Variants in ABCC1 observed in about 807,000 individuals in gnomAD.
ABCC1 encodes multidrug resistance-associated protein 1.
Under a neutral mutation model 172.9 loss-of-function variants are expected in ABCC1, and 83 were observed. That is an observed-to-expected ratio of 0.48 (90% CI 0.40 to 0.58). The LOEUF (loss-of-function observed/expected upper bound fraction) is 0.58. Ranked by LOEUF, ABCC1 falls within the 20% of genes least tolerant of loss-of-function variation. The pLI is 0.00. For synonymous variants in ABCC1, 937 were observed against 825.2 expected (o/e 1.14, Z -2.32); for missense variants, 1,817 against 2,002.7 (o/e 0.91, Z 1.77).
intron 7 of ABCC1, among the ~76,000 whole-genome samples, chr16:16,043,894 T>C (rs1274307964): frequency 6.6e-6 from 1 of 152,174 alleles, no homozygotes; most frequent in Admixed American, 6.5e-5. Context: ...GAACCACCAC[T>C]CCTGGCCATG....
intron 10 of ABCC1, among the ~76,000 whole-genome samples, chr16:16,050,463 A>C (rs181262421): frequency 1.8e-4 from 28 of 152,126 alleles, no homozygotes; most frequent in African/African-American, 6.7e-4. Flanking sequence ...TGTCTCAAAA[A>C]AAAGAAAAAG....
In ABCC1 at chr16:16,115,035, A is replaced by G. The variant is rs758502983; in HGVS notation, c.3349A>G (p.Ile1117Val). 9 of 1,614,072 alleles carry G rather than the reference A, an allele frequency of 5.6e-6. No individual in the cohort carries two copies. Among genetic ancestry groups the G allele is most frequent in the Middle Eastern group, 1.6e-4 (1 of 6,084 alleles). Residue 1117 changes from isoleucine to valine, a missense_variant, in exon 23 of 31, where the codon ATC (isoleucine) becomes GTC (valine). Ile to Val is a conservative substitution (Grantham distance 29). Around this residue, in one of 3 missense-constraint regions of ABCC1, gnomAD observed 1,412 missense variants for 1,600.3 expected, o/e 0.88. Coordinates refer to ENST00000399410, the MANE Select transcript of ABCC1 (RefSeq NM_004996.4). ...VILLATPIAAIIIPPLGLIYF... is the reference protein window; with the variant it reads ...VILLATPIAAVIIPPLGLIYF... ...CCTGCTGGCCACGCCCATCGCCGCC[A>G]TCATCATCCCGCCCCTTGGCCTCAT... is the stretch of plus-strand genomic sequence containing the variant.
intron 11 of ABCC1, among the ~76,000 whole-genome samples, chr16:16,054,042 T>G (rs1310380167): frequency 6.6e-6 from 1 of 151,754 alleles, no homozygotes; most frequent in Non-Finnish European, 1.5e-5. Context: ...TCGTACGATC[T>G]TGGCTCACTG....
Position 16,036,560 on chromosome 16 carries a change from G to A in ABCC1, c.766G>A (p.Val256Ile), listed in dbSNP as rs751704324. The A allele has an allele frequency of 8.1e-6, 13 of 1,614,152 alleles. No homozygotes were observed. The East Asian group carries it at 2.9e-4, about 36-fold the overall frequency. ...GGACACGTCGGAACAAGTCGTGCCT[G>A]TTTTGGTAAAGAACTGGAAGAAGGA... Reference protein sequence around the residue: ...KEDTSEQVVPVLVKNWKKECA... With the variant: ...KEDTSEQVVPILVKNWKKECA... Residue 256 changes from valine (V) to isoleucine (I), a missense_variant, in exon 7 of 31, where the codon GTT becomes ATT. Coordinates refer to ENST00000399410, the MANE Select transcript of ABCC1 (RefSeq NM_004996.4).
chr16:16,061,113 T>C (rs1312446040), intron 12 of ABCC1, among the ~76,000 whole-genome samples: 9 of 152,022 alleles, frequency 5.9e-5, no homozygotes, highest in Admixed American at 5.9e-4. Flanking sequence ...TTAGTAGAGA[T>C]GGGGTTTAGC....
chr16:15,997,713 A>G (rs2047104261), intron 1 of ABCC1, among the ~76,000 whole-genome samples: 1 of 150,506 alleles, frequency 6.6e-6, no homozygotes, highest in Non-Finnish European at 1.5e-5. Context: ...TCCAGTAGTG[A>G]GAGTCGCACT....
At chr16:16,139,502 C>T (rs190786507) in intron 30 of ABCC1, among the ~76,000 whole-genome samples, 129 of 144,394 alleles carry the variant, frequency 8.9e-4, no homozygotes, top group African/African-American at 2.7e-3. Flanking sequence ...ATCCCAGGTA[C>T]TTGGGAGGCT....
chr16:16,052,378 T>G (rs1304228284), intron 10 of ABCC1, among the ~76,000 whole-genome samples: 1 of 151,846 alleles, frequency 6.6e-6, no homozygotes, highest in Admixed American at 6.6e-5. Flanking sequence ...GGATCACTGA[T>G]GCAAATAGCC....
At chr16:16,125,343 A>G (rs555635502) in intron 25 of ABCC1, among the ~76,000 whole-genome samples, 11 of 152,308 alleles carry the variant, frequency 7.2e-5, no homozygotes, top group Non-Finnish European at 1.5e-4. Context: ...GCAATGTGGC[A>G]GGCCTGGGTG....
chr16:16,035,439 A>G (rs2048717370), intron 6 of ABCC1, among the ~76,000 whole-genome samples: 1 of 152,034 alleles, frequency 6.6e-6, no homozygotes, highest in South Asian at 2.1e-4. Context: ...TTTCATGCTT[A>G]CTAATGCTTT....
intron 12 of ABCC1, among the ~76,000 whole-genome samples, chr16:16,061,877 AATCCTCC>A (rs2049933316): frequency 1.3e-5 from 2 of 148,962 alleles, no homozygotes; most frequent in African/African-American, 5.0e-5. Context: ...AGGCTCAAGT[AATCCTCC>A]AACCTCAGCC....
chr16:16,005,893 G>A (rs146933833), intron 1 of ABCC1, among the ~76,000 whole-genome samples: 2,421 of 151,922 alleles, frequency 0.016, 51 homozygotes, highest in African/African-American at 0.053. Flanking sequence ...AGCAGAGATT[G>A]CAGTGAGCCG....
rs566456436 is a variant in ABCC1, at chr16:16,065,031, G to C, written c.1678-3125G>C. Among the ~76,000 whole-genome samples, 5 of 152,322 alleles carry C rather than the reference G, an allele frequency of 3.3e-5. No individual in the cohort carries two copies. The East Asian group carries it at 9.7e-4, about 29-fold the overall frequency. On this transcript the variant is annotated intron_variant, in intron 12 of 30. Coordinates refer to ENST00000399410, the MANE Select transcript of ABCC1 (RefSeq NM_004996.4). ...TGAGGAAAGACTTGATGGAGGTAAA[G>C]AGGCCAACCAGGGAGTAGCAAGAGC...
intron 1 of ABCC1, among the ~76,000 whole-genome samples, chr16:15,951,051 C>A (rs2045859938): frequency 6.6e-6 from 1 of 152,046 alleles, no homozygotes; most frequent in African/African-American, 2.4e-5. Flanking sequence ...ACAGACTTTG[C>A]CTTGAGGGTC....
intron 3 of ABCC1, 82 bp downstream of exon 3, chr16:16,009,983 C>A (rs2047715087): frequency 9.0e-6 from 9 of 995,002 alleles, no homozygotes; most frequent in Admixed American, 4.2e-5. Flanking sequence ...AGACTAGAAT[C>A]ATAGTTTTTT....
chr16:16,121,977 G>C lies in ABCC1; in HGVS notation c.3393G>C (p.Arg1131Ser). 6.2e-7 allele frequency: 1 copy of C among 1,614,220 alleles called. No homozygotes were observed. Among genetic ancestry groups the C allele is most frequent in the East Asian group, 2.2e-5 (1 of 44,886 alleles). ...PLGLIYFFVQ[R>S]FYVASSRQLK... ...CCCGCGTCTGTTCTCTACCCCAGAG[G>C]TTCTACGTGGCTTCCTCCCGGCAGC... Residue 1131 changes from arginine to serine, a missense_variant and splice_region_variant, in exon 24 of 31, where the codon AGG (arginine) becomes AGC (serine). Arg to Ser is a moderately radical substitution (Grantham distance 110). Coordinates refer to ENST00000399410, the MANE Select transcript of ABCC1 (RefSeq NM_004996.4).
intron 23 of ABCC1, 85 bp from the exon 24 acceptor site, chr16:16,121,890 C>G: frequency 1.4e-6 from 2 of 1,471,504 alleles, no homozygotes; most frequent in Admixed American, 1.8e-5. Flanking sequence ...TCGGTTACGT[C>G]TAGATGTTCT....
intron 7 of ABCC1, 123 bp from the exon 8 acceptor site, chr16:16,044,327 T>G (rs1364413122): frequency 2.3e-6 from 2 of 854,084 alleles, no homozygotes; most frequent in African/African-American, 1.7e-5. Flanking sequence ...GCTGCCTCTT[T>G]CCCTGGGCTT....
rs1233275692 is a variant in ABCC1, at chr16:16,100,420, G to A, written c.2645-2207G>A. ...GATGGGGGTCCCTGGGAGTGTTCTG[G>A]AACATTCTCATCCCTGCACAGAGAA... On this transcript the variant is annotated intron_variant, in intron 19 of 30. Transcript: ENST00000399410. Among the ~76,000 whole-genome samples, 4 of 152,154 alleles carry A rather than the reference G, an allele frequency of 2.6e-5. No individual in the cohort carries two copies. The East Asian group carries it at 7.7e-4, about 29-fold the overall frequency.
Sources: allele counts gnomAD v4.1 joint callset (sites outside exome capture counted in the v4.1 genomes callset), GRCh38; gene constraint gnomAD v4.1.1; regional missense constraint gnomAD v4.1.1; transcripts MANE v1.5; gene names NCBI Gene and HGNC (gene_info 2026-07-23, HGNC 2026-07-21).